STARD13: variants seen among roughly 807,000 people sequenced by gnomAD.
The protein encoded by STARD13 is StAR related lipid transfer domain containing 13.
In STARD13, 62 loss-of-function variants were observed where a neutral mutation model predicts 106.4. The ratio of observed to expected loss-of-function variants is 0.58; its 90% CI spans 0.48 to 0.72. The LOEUF is 0.72. Ranked by LOEUF, STARD13 falls within the 30% of genes least tolerant of loss-of-function variation. The pLI is 0.00. For synonymous variants in STARD13, 565 were observed against 553.0 expected, an observed-to-expected ratio of 1.02 and a Z score of -0.31; for missense variants, 1,387 against 1,424.0, an observed-to-expected ratio of 0.97 and a Z score of 0.42.
Position 33,165,199 on chromosome 13 carries a change from T to C in STARD13, c.323+138A>G, listed in dbSNP as rs1036487587. On this transcript the variant is annotated intron_variant, in intron 3 of 13. Coordinates refer to ENST00000336934, the MANE Select transcript of STARD13 (RefSeq NM_178006.4). Reference sequence around the variant, plus strand: ...ATCATGCTCATTAACAGTAGTACATTTAGAACCTGCACCTGGGTCAGGCAC... The same window carrying C: ...ATCATGCTCATTAACAGTAGTACATCTAGAACCTGCACCTGGGTCAGGCAC... The C allele has an allele frequency of 1.2e-4, 86 of 716,150 alleles. No individual in the cohort carries two copies. The Middle Eastern group carries it at 5.1e-3, about 43-fold the overall frequency. The allele number at this position is 716,150 out of a possible 1,614,324, so 44.4% of individuals were successfully genotyped here.
chr13:33,374,107 T>TA, the STARD13 span, among the ~76,000 whole-genome samples: 4 of 152,138 alleles, frequency 2.6e-5, no homozygotes, highest in Non-Finnish European at 5.9e-5. Context: ...ATTCAACCTT[T>TA]AAAAGGAAGG....
chr13:33,117,255 C>T (rs1234358483), intron 8 of STARD13, among the ~76,000 whole-genome samples: 1 of 152,092 alleles, frequency 6.6e-6, no homozygotes, highest in Non-Finnish European at 1.5e-5. Context: ...ATTTCAGGCA[C>T]CCGCCACCAT....
intron 3 of STARD13, among the ~76,000 whole-genome samples, chr13:33,162,613 T>A (rs1254693741): frequency 6.6e-6 from 1 of 152,162 alleles, no homozygotes; most frequent in African/African-American, 2.4e-5. Flanking sequence ...CCCTAAATCA[T>A]CCTTTCAAGG....
rs1488546436 is a variant in STARD13, at chr13:33,104,376, ACTAT to A, written c.*1213_*1216del. ...CAGAAGAATTAATAAACCCGATTAT[ACTAT>A]CTAAAACTAATCAAAGAACATAGTT... On this transcript the variant is annotated 3_prime_UTR_variant, in exon 14 of 14. Transcript: ENST00000336934. The A allele has an allele frequency of 7.2e-5, 11 of 152,678 alleles. No individual in the cohort carries two copies. Among genetic ancestry groups the A allele is most frequent in the Non-Finnish European group, 1.5e-4 (10 of 68,046 alleles). The allele number at this position is 152,678 out of a possible 1,614,324, so 9.5% of individuals were successfully genotyped here. A position where few individuals can be genotyped will look rare whatever the true frequency, so the allele number is the denominator to read the frequency against.
the STARD13 span, among the ~76,000 whole-genome samples, chr13:33,665,174 C>A: frequency 1.3e-5 from 2 of 152,280 alleles, no homozygotes; most frequent in African/African-American, 4.8e-5. Context: ...AAGGGAAGTT[C>A]TTGATCATGT....
chr13:33,564,478 G>A, the STARD13 span, among the ~76,000 whole-genome samples: 6,542 of 145,780 alleles, frequency 0.045, 778 homozygotes, highest in Non-Finnish European at 0.069. Flanking sequence ...AAAGGACTAT[G>A]GAGGTTTATC....
the STARD13 span, among the ~76,000 whole-genome samples, chr13:33,547,847 A>G: frequency 6.6e-6 from 1 of 152,224 alleles, no homozygotes; most frequent in African/African-American, 2.4e-5. Context: ...ATTTTTATTT[A>G]CAAGAAGGAA....
chr13:33,436,205 T>C, the STARD13 span, among the ~76,000 whole-genome samples: 1 of 152,234 alleles, frequency 6.6e-6, no homozygotes, highest in Non-Finnish European at 1.5e-5. Context: ...GAAAAAAATA[T>C]ATGATTTCTT....
the STARD13 span, among the ~76,000 whole-genome samples, chr13:33,668,616 T>C: frequency 2.0e-5 from 3 of 152,242 alleles, no homozygotes; most frequent in African/African-American, 7.2e-5. Context: ...AGATTACAGA[T>C]GGAGACTAAA....
At chr13:33,108,777 C>T (rs1316237898) in intron 12 of STARD13, among the ~76,000 whole-genome samples, 1 of 152,224 alleles carries the variant, frequency 6.6e-6, no homozygotes, top group African/African-American at 2.4e-5. Flanking sequence ...GGCATGGCCC[C>T]ATTCCTATGG....
chr13:33,261,905 C>CA (rs998353151), intron 1 of STARD13, among the ~76,000 whole-genome samples: 1 of 152,176 alleles, frequency 6.6e-6, no homozygotes, highest in African/African-American at 2.4e-5. Flanking sequence ...GAAGGCAGGG[C>CA]AGCCCATTCC....
intron 1 of STARD13, among the ~76,000 whole-genome samples, chr13:33,209,390 A>T (rs1887590548): frequency 6.6e-6 from 1 of 152,072 alleles, no homozygotes; most frequent in South Asian, 2.1e-4. Flanking sequence ...GGACCTAAAA[A>T]TGCCTTTAAG....
At chr13:33,156,897 C>G (rs964650702) in intron 3 of STARD13, among the ~76,000 whole-genome samples, 5 of 152,170 alleles carry the variant, frequency 3.3e-5, no homozygotes, top group Non-Finnish European at 5.9e-5. Flanking sequence ...CTGTGGTGAT[C>G]ATGTAACCCT....
intron 13 of STARD13, among the ~76,000 whole-genome samples, chr13:33,106,225 G>C (rs535125180): frequency 6.6e-6 from 1 of 152,308 alleles, no homozygotes; most frequent in African/African-American, 2.4e-5. Context: ...ATTGAGACCA[G>C]CCTGGCCAAC....
intron 4 of STARD13, among the ~76,000 whole-genome samples, chr13:33,133,588 G>A (rs966685218): frequency 6.6e-6 from 1 of 151,134 alleles, no homozygotes; most frequent in Non-Finnish European, 1.5e-5. Flanking sequence ...CTATTTGATA[G>A]TGACACACAA....
chr13:33,499,616 CTTCTTCTTCTT>C, the STARD13 span, among the ~76,000 whole-genome samples: 1 of 70,160 alleles, frequency 1.4e-5, no homozygotes, highest in South Asian at 5.1e-4. Flanking sequence ...TCTTCTTCTT[CTTCTTCTTCTT>C]CTTCTTCTTC....
the STARD13 span, among the ~76,000 whole-genome samples, chr13:33,581,991 C>T: frequency 2.0e-5 from 3 of 152,088 alleles, no homozygotes; most frequent in African/African-American, 4.8e-5. Flanking sequence ...GAGGCCGAGG[C>T]GAGCAGATCA....
At chr13:33,479,163 C>T in the STARD13 span, among the ~76,000 whole-genome samples, 16 of 152,082 alleles carry the variant, frequency 1.1e-4, 1 homozygote, top group Admixed American at 9.8e-4. Flanking sequence ...AAGATAAATG[C>T]GTATTAAAAC....
At chr13:33,448,836 A>G in the STARD13 span, among the ~76,000 whole-genome samples, 15 of 152,224 alleles carry the variant, frequency 9.9e-5, no homozygotes, top group East Asian at 2.9e-3. Flanking sequence ...CATTTCCCCG[A>G]TGATTAAAAA....
Sources: allele counts gnomAD v4.1 joint callset (sites outside exome capture counted in the v4.1 genomes callset), GRCh38; gene constraint gnomAD v4.1.1; transcripts MANE v1.5; gene names NCBI Gene and HGNC (gene_info 2026-07-23, HGNC 2026-07-21).